The following ASXL2 variants were observed in gnomAD, a reference collection of about 807,000 sequenced individuals.
The protein encoded by ASXL2 is putative Polycomb group protein ASXL2.
A neutral mutation model predicts 122.0 loss-of-function variants in ASXL2; 23 were observed. That is an observed-to-expected ratio of 0.19 (90% CI 0.14 to 0.27). The LOEUF (loss-of-function observed/expected upper bound fraction) is 0.27, where lower values mean the gene tolerates loss of function less well. Ranked by LOEUF, ASXL2 falls within the 10% of genes least tolerant of loss-of-function variation. The pLI, the probability that ASXL2 is intolerant of heterozygous loss-of-function variation, is 1.00. For synonymous variants in ASXL2, 650 were observed against 637.0 expected (o/e 1.02, Z -0.31); for missense variants, 1,518 against 1,713.8 (o/e 0.89, Z 2.02).
In ASXL2 at chr2:25,767,692, T is replaced by C; in HGVS notation, c.666A>G (p.Thr222=). ...TWEGKQSDGQ[T]GSPQNSNSSF... is the part of the protein sequence containing the mutation. The stretch of plus-strand genomic sequence containing the variant: ...TGGAGTTTGAGTTTTGAGGGCTGCC[T>C]GTCTGTCCATCAGATTGCTTTCCTT... The change falls in exon 8 of 13, where the codon ACA becomes ACG. Residue 222 remains threonine, a synonymous_variant. Coordinates refer to ENST00000435504, the MANE Select transcript of ASXL2 (RefSeq NM_018263.6). The C allele has an allele frequency of 6.2e-7, 1 of 1,613,984 alleles. No individual in the cohort carries two copies. The highest frequency in any genetic ancestry group is 8.5e-7 in the Non-Finnish European group (1 of 1,179,864).
intron 4 of ASXL2, among the ~76,000 whole-genome samples, chr2:25,805,740 A>G (rs1001984095): frequency 2.0e-5 from 3 of 151,884 alleles, no homozygotes; most frequent in Non-Finnish European, 4.4e-5. Context: ...CGGTGGCGTG[A>G]TTTTGGCTCA....
chr2:25,777,675 C>T (rs1393323771), intron 5 of ASXL2, among the ~76,000 whole-genome samples: 1 of 151,920 alleles, frequency 6.6e-6, no homozygotes, highest in African/African-American at 2.4e-5. Context: ...ACACTGAGTA[C>T]CTTCAAAGAC....
intron 3 of ASXL2, among the ~76,000 whole-genome samples, chr2:25,829,195 G>A (rs755418194): frequency 1.3e-4 from 20 of 152,042 alleles, no homozygotes; most frequent in African/African-American, 9.7e-5. Context: ...CCAGAAGGTC[G>A]AGGCTGCAGT....
At chr2:25,841,645 G>A (rs369306106) in intron 2 of ASXL2, among the ~76,000 whole-genome samples, 3 of 152,146 alleles carry the variant, frequency 2.0e-5, no homozygotes, top group African/African-American at 4.8e-5. Flanking sequence ...TCAGGAGTTC[G>A]AGACCAGCCT....
chr2:25,827,678 C>T (rs1051064140), intron 3 of ASXL2, among the ~76,000 whole-genome samples: 8 of 152,158 alleles, frequency 5.3e-5, no homozygotes, highest in African/African-American at 1.4e-4. Flanking sequence ...CCCCAAAATA[C>T]ACCATCAAAC....
intron 3 of ASXL2, among the ~76,000 whole-genome samples, chr2:25,826,622 TAC>T (rs1319592142): frequency 6.6e-6 from 1 of 152,180 alleles, no homozygotes; most frequent in African/African-American, 2.4e-5. Flanking sequence ...TCCTATAAAA[TAC>T]AGTTGTCAAA....
intron 5 of ASXL2, among the ~76,000 whole-genome samples, chr2:25,779,083 G>C (rs1232971368): frequency 1.0e-5 from 1 of 97,274 alleles, no homozygotes; most frequent in Non-Finnish European, 2.2e-5. Flanking sequence ...ACTTTTTTCT[G>C]ATTTTTTTTT....
chr2:25,781,670 C>CTT (rs34167762), intron 5 of ASXL2, among the ~76,000 whole-genome samples: 29,313 of 121,486 alleles, frequency 0.24, 3,944 homozygotes, highest in Non-Finnish European at 0.29. Context: ...ACACACCTGG[C>CTT]TTTTTTTTTT....
Position 25,807,228 on chromosome 2 carries a change from G to C in ASXL2, c.144-891C>G, listed in dbSNP as rs1239187804. On this transcript the variant is annotated intron_variant, in intron 3 of 12. Coordinates refer to ENST00000435504, the MANE Select transcript of ASXL2 (RefSeq NM_018263.6). ...AAGGCAGTTTAACCCCACATTTCCA[G>C]CTCTTTTCCCTCTCAGTTTTCTGTT... Among the ~76,000 whole-genome samples the C allele has an allele frequency of 5.9e-5, 9 of 152,156 alleles. 1 individual carries two copies. In the East Asian group the frequency reaches 1.5e-3, roughly 26 times the overall value.
At chr2:25,787,322 A>C (rs190143324) in intron 5 of ASXL2, among the ~76,000 whole-genome samples, 2 of 152,184 alleles carry the variant, frequency 1.3e-5, no homozygotes, top group Admixed American at 1.3e-4. Flanking sequence ...CCCTCAAACT[A>C]ATGTTTCTTG....
chr2:25,759,720 A>G (rs2088207559), intron 8 of ASXL2, 75 bp from the exon 9 acceptor site: 3 of 1,443,600 alleles, frequency 2.1e-6, no homozygotes, highest in South Asian at 2.9e-5. Context: ...CTTTCTGTGC[A>G]GTATAAAAAA....
At chr2:25,786,946 T>C (rs1282649539) in intron 5 of ASXL2, among the ~76,000 whole-genome samples, 1 of 151,018 alleles carries the variant, frequency 6.6e-6, no homozygotes, top group Non-Finnish European at 1.5e-5. Flanking sequence ...TCTGTTCCAC[T>C]ATTTTCTGTA....
chr2:25,772,821 G>T (rs1266510149), intron 5 of ASXL2, among the ~76,000 whole-genome samples: 1 of 150,476 alleles, frequency 6.6e-6, no homozygotes, highest in East Asian at 2.0e-4. Flanking sequence ...ATTGGAGTAT[G>T]CAAGTTTTGG....
At chr2:25,783,751 G>A (rs1336945380) in intron 5 of ASXL2, among the ~76,000 whole-genome samples, 1 of 151,496 alleles carries the variant, frequency 6.6e-6, no homozygotes, top group Non-Finnish European at 1.5e-5. Context: ...GCAAAATCTT[G>A]TCTATGTAAA....
intron 1 of ASXL2, among the ~76,000 whole-genome samples, chr2:25,877,498 T>C (rs777457487): frequency 4.6e-5 from 7 of 152,020 alleles, no homozygotes; most frequent in Non-Finnish European, 8.8e-5. Context: ...CCGGGTAAAC[T>C]ACACGTCCCA....
rs182151988 is a variant in ASXL2, at chr2:25,752,905, T to A, written c.1142+629A>T. Among the ~76,000 whole-genome samples the A allele has an allele frequency of 8.6e-4, 129 of 150,234 alleles. 1 individual carries two copies. The highest frequency in any genetic ancestry group is 3.0e-3 in the African/African-American group (122 of 41,190). On this transcript the variant is annotated intron_variant, in intron 11 of 12. Transcript: ENST00000435504. ...TTCAATATTCTTCTATCTTATAAAG[T>A]AACCAGAAGAAAAACCAATCTTTTC...
chr2:25,743,112 C>T lies in ASXL2; in HGVS notation c.3225G>A (p.Arg1075=), dbSNP rs1280094360. 1 of 1,614,004 alleles carries T rather than the reference C, an allele frequency of 6.2e-7. No homozygotes were observed. The highest frequency in any genetic ancestry group is 1.1e-5 in the South Asian group (1 of 91,084). ...QILQTLIQRV[R]RQNLLSVVPP... ...GCACAACTGAGAGAAGATTCTGCCT[C>T]CGAACCCTCTGAATGAGAGTCTGAA... Residue 1075 remains arginine (R), a synonymous_variant, in exon 13 of 13, where the codon CGG becomes CGA. Coordinates refer to ENST00000435504, the MANE Select transcript of ASXL2 (RefSeq NM_018263.6).
chr2:25,804,816 G>A (rs1008481248), intron 4 of ASXL2, among the ~76,000 whole-genome samples: 17 of 152,294 alleles, frequency 1.1e-4, no homozygotes, highest in South Asian at 4.1e-4. Flanking sequence ...TTGGGAGGCC[G>A]AGGAGGGTGG....
rs747070149 is a variant in ASXL2, at chr2:25,743,290, G to A, written c.3047C>T (p.Thr1016Met). The A allele has an allele frequency of 3.3e-5, 54 of 1,613,744 alleles. No individual in the cohort carries two copies. The highest frequency in any genetic ancestry group is 9.9e-5 in the South Asian group (9 of 91,084). Residue 1016 changes from threonine to methionine, a missense_variant, in exon 13 of 13, where the codon ACG (threonine) becomes ATG (methionine). Around this residue, in one of 8 missense-constraint regions of ASXL2, gnomAD observed 831 missense variants for 833.1 expected, o/e 1.00. Transcript: ENST00000435504. ...EVNERQSHPA[T>M]QQQLGKTLQS... ...CAAGGTTTTGCCCAGCTGCTGCTGC[G>A]TAGCTGGATGGGACTGTCTCTCATT...
Sources: gnomAD v4.1 joint callset for allele counts (sites outside exome capture counted in the v4.1 genomes callset) on GRCh38, gnomAD v4.1.1 for gene constraint, gnomAD v4.1.1 regional missense constraint, MANE v1.5 for transcripts, NCBI Gene and HGNC (gene_info 2026-07-23, HGNC 2026-07-21) for gene names.